TERT: variants seen among roughly 807,000 people sequenced by gnomAD.
TERT encodes telomerase reverse transcriptase, also known as telomerase catalytic subunit.
A neutral mutation model predicts 104.0 loss-of-function variants in TERT; 42 were observed. That is an observed-to-expected ratio of 0.40 (90% CI 0.32 to 0.52). TERT has a LOEUF of 0.52. Among genes scored for constraint, TERT ranks in the 20% least tolerant of loss-of-function variants. TERT has a pLI of 0.43. For missense variants in TERT, 1,101 were observed against 1,610.3 expected (o/e 0.68, Z 5.41); for synonymous variants, 781 against 725.6 (o/e 1.08, Z -1.23).
Position 1,256,836 on chromosome 5 carries a change from TAGC to T in TERT, c.3033-1428_3033-1426del, listed in dbSNP as rs1356839929. On this transcript the variant is annotated intron_variant, in intron 13 of 15. Transcript: ENST00000310581. The surrounding 1 kb of genome is among the most constrained non-coding windows in gnomAD (Gnocchi z 7.0). ...AGGGGCTCTCTTCCAAAGGGAGAAA[TAGC>T]CACCTGCTAGAGGTCGGGGCGTCCA... 6.6e-6 allele frequency among the ~76,000 whole-genome samples: 1 copy of T among 152,098 alleles called. No homozygotes were observed. Among genetic ancestry groups the T allele is most frequent in the Non-Finnish European group, 1.5e-5 (1 of 68,016 alleles).
At chr5:1,277,207 C>T (rs890754305) in intron 6 of TERT, among the ~76,000 whole-genome samples, 5 of 152,194 alleles carry the variant, frequency 3.3e-5, no homozygotes, top group African/African-American at 9.7e-5. Flanking sequence ...AGCAGCCAGC[C>T]GGGGTGTCAC....
chr5:1,273,173 C>T (rs1247857081), intron 6 of TERT, among the ~76,000 whole-genome samples: 5 of 11,634 alleles, frequency 4.3e-4, no homozygotes, highest in African/African-American at 1.8e-3. Context: ...ACCCCACGAC[C>T]GCCATCCACA....
intron 6 of TERT, among the ~76,000 whole-genome samples, chr5:1,275,097 G>A (rs149449049): frequency 4.6e-5 from 7 of 152,354 alleles, no homozygotes; most frequent in African/African-American, 9.6e-5. Context: ...AGTCTCGGCC[G>A]GGCGCGGCGG....
chr5:1,254,592 C>T (rs1747583457), intron 14 of TERT, 87 bp from the exon 15 acceptor site: 1 of 1,488,632 alleles, frequency 6.7e-7, no homozygotes, highest in East Asian at 2.5e-5. Context: ...ACCCGACGGT[C>T]TGCGGGGTGG....
At chr5:1,290,966 C>G (rs1579592666) in intron 2 of TERT, among the ~76,000 whole-genome samples, 1 of 146,218 alleles carries the variant, frequency 6.8e-6, no homozygotes, top group African/African-American at 2.6e-5. Flanking sequence ...ACAGGGACAC[C>G]CGGGGACGGC....
intron 14 of TERT, among the ~76,000 whole-genome samples, chr5:1,254,871 A>C (rs1426408394): frequency 6.6e-6 from 1 of 152,024 alleles, no homozygotes; most frequent in Non-Finnish European, 1.5e-5. Context: ...TCTGCTCCTG[A>C]GAGGGGTGGG....
chr5:1,254,271 G>C, intron 15 of TERT, 97 bp downstream of exon 15: 1 of 1,558,592 alleles, frequency 6.4e-7, no homozygotes, highest in East Asian at 2.3e-5. Context: ...GGGGGCGTCT[G>C]CACTTCAGCA....
rs1376041056 is a variant in TERT, at chr5:1,279,325, G to A, written c.2096C>T (p.Ala699Val). 1 of 1,585,358 alleles carries A rather than the reference G, an allele frequency of 6.3e-7. No individual in the cohort carries two copies. Among genetic ancestry groups the A allele is most frequent in the Non-Finnish European group, 8.6e-7 (1 of 1,168,172 alleles). The change falls in exon 5 of 16, where the codon GCC becomes GTC. Residue 699 changes from alanine to valine, a missense_variant. By Grantham distance (64) the Ala-to-Val change is moderately conservative. Around this residue, in one of 5 missense-constraint regions of TERT, gnomAD observed 463 missense variants for 797.5 expected, o/e 0.58. Coordinates refer to ENST00000310581, the MANE Select transcript of TERT (RefSeq NM_198253.3). ...AWRTFVLRVR[A>V]QDPPPELYFV... ...GTACAGCTCAGGCGGCGGGTCCTGG[G>A]CCCGCACACGCAGCACGAAGGTGCG...
Position 1,258,637 on chromosome 5 carries a change from C to T in TERT, c.2993G>A (p.Cys998Tyr). Residue 998 changes from cysteine to tyrosine, a missense_variant, in exon 13 of 16, where the codon TGC becomes TAC. This residue lies in a region of TERT where 463 missense variants were observed against 797.5 expected (regional missense o/e 0.58). Transcript: ENST00000310581. ...CAGGAGGATCTTGTAGATGTTGGTG[C>T]ACACCGTCTGGAGGCTGTTCACCTA... ...DLQVNSLQTV[C>Y]TNIYKILLLQ... The T allele has an allele frequency of 1.9e-6, 3 of 1,571,834 alleles. No homozygotes were observed. Among genetic ancestry groups the T allele is most frequent in the Non-Finnish European group, 2.6e-6 (3 of 1,157,584 alleles).
At chr5:1,266,436 C>T (rs1252786163) in intron 10 of TERT, 28 bp downstream of exon 10, 1 of 1,591,314 alleles carries the variant, frequency 6.3e-7, no homozygotes, top group Non-Finnish European at 8.6e-7. Flanking sequence ...CTGTGGAGGT[C>T]CCCACAGACA....
chr5:1,290,784 C>T (rs62332594), intron 2 of TERT, among the ~76,000 whole-genome samples: 2 of 96,708 alleles, frequency 2.1e-5, no homozygotes, highest in African/African-American at 1.0e-4. Flanking sequence ...TCACCCTGCA[C>T]GTGACAGGGA....
rs951815383 is a variant in TERT, at chr5:1,253,556, G to T, written c.*172C>A. On this transcript the variant is annotated 3_prime_UTR_variant, in exon 16 of 16. Transcript: ENST00000310581. ...CTGGACACTCGCTCAGGCCTCAGCC[G>T]GACACTCAGCCTTCAGCCGGACATG... 13 of 647,696 alleles carry T rather than the reference G, an allele frequency of 2.0e-5. No individual in the cohort carries two copies. The highest frequency in any genetic ancestry group is 1.6e-4 in the Admixed American group (7 of 43,842). 40.1% of individuals were successfully genotyped at this position (647,696 alleles called of 1,614,324 possible).
rs747950640 is a variant in TERT, at chr5:1,274,327, G to A, written c.2287-2047C>T. ...ACAAATAGCCCATGGGTCTGAGGTC[G>A]GCGGAAAGCATCACAGAAATCCGTA... is the stretch of plus-strand genomic sequence containing the variant. On this transcript the variant is annotated intron_variant, in intron 6 of 15. Coordinates refer to ENST00000310581, the MANE Select transcript of TERT (RefSeq NM_198253.3). This position sits in a 1 kb window ranked among gnomAD's most constrained non-coding sequence, Gnocchi z 5.3. Among the ~76,000 whole-genome samples, 1 of 152,232 alleles carries A rather than the reference G, an allele frequency of 6.6e-6. No individual in the cohort carries two copies.
chr5:1,255,135 G>C lies in TERT; in HGVS notation c.3157+152C>G. On this transcript the variant is annotated intron_variant, in intron 14 of 15. Transcript: ENST00000310581. The surrounding 1 kb of genome is among the most constrained non-coding windows in gnomAD (Gnocchi z 6.9). ...GGTGCTCTGCTCACCCCACGAGAGG[G>C]CGGGCAGACGAGCCTGACAGTGGTT... is the stretch of plus-strand genomic sequence containing the variant. The C allele has an allele frequency of 2.1e-6, 2 of 961,942 alleles. No individual in the cohort carries two copies. Among genetic ancestry groups the C allele is most frequent in the Middle Eastern group, 3.2e-4 (1 of 3,150 alleles). The allele number at this position is 961,942 out of a possible 1,614,324, so 59.6% of individuals were successfully genotyped here.
chr5:1,266,675 ATTTC>A (rs1748630478), intron 9 of TERT, 140 bp from the exon 10 acceptor site: 1 of 770,356 alleles, frequency 1.3e-6, no homozygotes, highest in Non-Finnish European at 2.3e-6. Flanking sequence ...AAAAACTTAA[ATTTC>A]TTTCCAACAG....
intron 9 of TERT, among the ~76,000 whole-genome samples, chr5:1,267,555 T>C (rs1049522369): frequency 3.9e-5 from 6 of 152,216 alleles, no homozygotes; most frequent in African/African-American, 1.4e-4. Flanking sequence ...TGCGGCACTA[T>C]TCACAGTAGC....
chr5:1,257,616 G>A lies in TERT; in HGVS notation c.3032+982C>T, dbSNP rs906504410. On this transcript the variant is annotated intron_variant, in intron 13 of 15. Transcript: ENST00000310581. The surrounding 1 kb of genome is among the most constrained non-coding windows in gnomAD (Gnocchi z 5.6). The stretch of plus-strand genomic sequence containing the variant: ...AAGCCTCTGGAGCTGGTGCAAAGGC[G>A]GTAACATGCAGCTGTGGCTCTGCCC... Among the ~76,000 whole-genome samples, 2 of 152,176 alleles carry A rather than the reference G, an allele frequency of 1.3e-5. No homozygotes were observed. Among genetic ancestry groups the A allele is most frequent in the Non-Finnish European group, 2.9e-5 (2 of 68,026 alleles).
At position 1,274,796 on chromosome 5, in the gene TERT, T is replaced by C. The variant is rs576283260; in HGVS notation, c.2287-2516A>G. On this transcript the variant is annotated intron_variant, in intron 6 of 15. Transcript: ENST00000310581. This position sits in a 1 kb window ranked among gnomAD's most constrained non-coding sequence, Gnocchi z 5.3. ...TTAGAGGGAAAACGGCAACTTCAGA[T>C]GCTTGTTTAGAAAAGAAAGTTCAAA... Among the ~76,000 whole-genome samples the C allele has an allele frequency of 1.3e-5, 2 of 152,370 alleles. No homozygotes were observed. Among genetic ancestry groups the C allele is most frequent in the African/African-American group, 4.8e-5 (2 of 41,592 alleles).
intron 14 of TERT, 48 bp from the exon 15 acceptor site, chr5:1,254,553 C>T (rs758926068): frequency 6.4e-7 from 1 of 1,573,642 alleles, no homozygotes; most frequent in Non-Finnish European, 8.6e-7. Flanking sequence ...CCCAGCTCCC[C>T]TCCCAGGAGA....
Sources: allele counts gnomAD v4.1 joint callset (sites outside exome capture counted in the v4.1 genomes callset), GRCh38; gene constraint gnomAD v4.1.1; regional missense constraint gnomAD v4.1.1; non-coding constraint Gnocchi (gnomAD v3.1); transcripts MANE v1.5; gene names NCBI Gene and HGNC (gene_info 2026-07-23, HGNC 2026-07-21).